NUBPL: variants seen among roughly 807,000 people sequenced by gnomAD.
NUBPL encodes the protein iron-sulfur cluster transfer protein NUBPL.
In NUBPL, 31 loss-of-function variants were observed where a neutral mutation model predicts 45.7. That is an observed-to-expected ratio of 0.68 (90% CI 0.51 to 0.92). The LOEUF is 0.92. NUBPL is among the 40% of genes least tolerant of loss of function. The probability of loss-of-function intolerance (pLI) is 0.00; values close to 1 mark genes in which losing one functional copy is unlikely to be tolerated. For synonymous variants in NUBPL, 144 were observed against 140.9 expected (o/e 1.02, Z -0.15); for missense variants, 401 against 398.7 (o/e 1.01, Z -0.05).
In NUBPL at chr14:31,765,634, G is replaced by GT. The variant is rs55773928; in HGVS notation, c.514-22133dup. 9.5e-3 allele frequency among the ~76,000 whole-genome samples: 1,419 copies of GT among 149,388 alleles called. 23 individuals carry two copies. Among genetic ancestry groups the GT allele is most frequent in the African/African-American group, 0.032 (1,313 of 40,624 alleles). ...AATACTTAATTCATAAAAGCAACAG[G>GT]TTTTTTTTTTTTTGCCTTAAAACAT... On this transcript the variant is annotated intron_variant, in intron 6 of 10. Coordinates refer to ENST00000281081, the MANE Select transcript of NUBPL (RefSeq NM_025152.3).
At chr14:31,704,604 T>A (rs1002993084) in intron 6 of NUBPL, among the ~76,000 whole-genome samples, 1 of 151,838 alleles carries the variant, frequency 6.6e-6, no homozygotes, top group East Asian at 1.9e-4. Flanking sequence ...CGGAGGTTGC[T>A]GTGAGCCAAG....
intron 3 of NUBPL, among the ~76,000 whole-genome samples, chr14:31,568,801 C>T (rs537876029): frequency 1.2e-3 from 188 of 152,078 alleles, no homozygotes; most frequent in East Asian, 3.5e-3. Flanking sequence ...GGTTGTAGGC[C>T]TAGGGGAAAC....
intron 6 of NUBPL, among the ~76,000 whole-genome samples, chr14:31,676,579 T>C (rs1426050244): frequency 6.6e-6 from 1 of 152,002 alleles, no homozygotes; most frequent in Non-Finnish European, 1.5e-5. Flanking sequence ...GTGTTAACAT[T>C]TGGTGTTGTC....
chr14:31,787,798 G>A lies in NUBPL; in HGVS notation c.532G>A (p.Asp178Asn). ...TTTTTAGGTAGATTGGGGTCAACTGGACTACTTAGTTGTAGACATGCCACC... is the reference window on the plus strand; with the variant it reads ...TTTTTAGGTAGATTGGGGTCAACTGAACTACTTAGTTGTAGACATGCCACC... The part of the protein sequence containing the change: ...LLRQVDWGQL[D>N]YLVVDMPPGT... Residue 178 changes from aspartate (D) to asparagine (N), a missense_variant, in exon 7 of 11, where the codon GAC becomes AAC. Asp to Asn is a conservative substitution (Grantham distance 23). Transcript: ENST00000281081. 4 of 1,611,894 alleles carry A rather than the reference G, an allele frequency of 2.5e-6. No homozygotes were observed. Among genetic ancestry groups the A allele is most frequent in the Non-Finnish European group, 3.4e-6 (4 of 1,178,072 alleles).
chr14:31,587,216 G>A (rs2034018337), intron 3 of NUBPL, among the ~76,000 whole-genome samples: 1 of 152,074 alleles, frequency 6.6e-6, no homozygotes, highest in Admixed American at 6.6e-5. Flanking sequence ...TCTAGGGTTG[G>A]GTACTTTTGG....
chr14:31,695,100 TA>T (rs774486855), intron 6 of NUBPL, among the ~76,000 whole-genome samples: 13 of 152,362 alleles, frequency 8.5e-5, no homozygotes, highest in Non-Finnish European at 1.6e-4. Flanking sequence ...GTAATAGTGT[TA>T]CACAGTATAA....
chr14:31,775,000 T>G (rs1416651222), intron 6 of NUBPL, among the ~76,000 whole-genome samples: 4 of 152,198 alleles, frequency 2.6e-5, no homozygotes, highest in African/African-American at 7.2e-5. Flanking sequence ...GATTTTAGGA[T>G]TTATGTCAGT....
chr14:31,802,314 T>C (rs895452795), intron 7 of NUBPL, among the ~76,000 whole-genome samples: 1 of 151,694 alleles, frequency 6.6e-6, no homozygotes, highest in African/African-American at 2.4e-5. Flanking sequence ...TCTTGCTCTG[T>C]CACCAGGCTG....
intron 4 of NUBPL, among the ~76,000 whole-genome samples, chr14:31,637,504 TC>T (rs1195023155): frequency 6.6e-6 from 1 of 152,206 alleles, no homozygotes; most frequent in African/African-American, 2.4e-5. Flanking sequence ...GAGCTTTACT[TC>T]CAAGTATGTG....
intron 6 of NUBPL, among the ~76,000 whole-genome samples, chr14:31,674,488 T>C (rs915150530): frequency 2.0e-5 from 3 of 152,142 alleles, no homozygotes; most frequent in African/African-American, 7.2e-5. Flanking sequence ...TTAAGTCTCT[T>C]GGTTTCATTT....
chr14:31,567,428 C>T (rs746829489), intron 3 of NUBPL, among the ~76,000 whole-genome samples: 1 of 152,112 alleles, frequency 6.6e-6, no homozygotes, highest in South Asian at 2.1e-4. Flanking sequence ...TCTCCAGAAA[C>T]CTGTTAGGTA....
chr14:31,748,856 A>T (rs1385161453), intron 6 of NUBPL, among the ~76,000 whole-genome samples: 1 of 151,858 alleles, frequency 6.6e-6, no homozygotes, highest in Non-Finnish European at 1.5e-5. Context: ...CAGGTGATCT[A>T]CCCACCTGGG....
intron 7 of NUBPL, among the ~76,000 whole-genome samples, chr14:31,791,981 A>G (rs1372314129): frequency 6.6e-6 from 1 of 152,202 alleles, no homozygotes; most frequent in Non-Finnish European, 1.5e-5. Context: ...TAATTCTTAC[A>G]GGTGTTATAT....
chr14:31,655,672 C>G (rs2036124456), intron 4 of NUBPL, among the ~76,000 whole-genome samples: 1 of 152,162 alleles, frequency 6.6e-6, no homozygotes, highest in Non-Finnish European at 1.5e-5. Flanking sequence ...GAGATGGTAC[C>G]ACTGCACTCT....
intron 6 of NUBPL, chr14:31,686,761 C>G (rs1438824408): frequency 6.6e-6 from 1 of 152,180 alleles, no homozygotes; most frequent in Admixed American, 6.5e-5. Context: ...TTCCCTGTAT[C>G]ATTTCAATTT....
intron 3 of NUBPL, among the ~76,000 whole-genome samples, chr14:31,578,224 A>G (rs2033768757): frequency 6.6e-6 from 1 of 152,196 alleles, no homozygotes; most frequent in South Asian, 2.1e-4. Flanking sequence ...ATACAGCAAA[A>G]CCCCAAAAAC....
At chr14:31,613,583 A>G (rs369381482) in intron 4 of NUBPL, among the ~76,000 whole-genome samples, 2 of 151,768 alleles carry the variant, frequency 1.3e-5, no homozygotes, top group African/African-American at 2.4e-5. Flanking sequence ...TCAGCCTCCT[A>G]AGTAGCCGGG....
At chr14:31,630,743 A>G (rs2035319490) in intron 4 of NUBPL, among the ~76,000 whole-genome samples, 1 of 152,082 alleles carries the variant, frequency 6.6e-6, no homozygotes, top group African/African-American at 2.4e-5. Context: ...ATATCTTTCT[A>G]ATGACTCTCT....
chr14:31,816,437 C>G (rs552962187), intron 7 of NUBPL, among the ~76,000 whole-genome samples: 15 of 133,608 alleles, frequency 1.1e-4, no homozygotes, highest in Admixed American at 3.8e-4. Context: ...CTTTATTAGT[C>G]TGGTTAGAGT....
Sources: allele counts gnomAD v4.1 joint callset (sites outside exome capture counted in the v4.1 genomes callset), GRCh38; gene constraint gnomAD v4.1.1; transcripts MANE v1.5; gene names NCBI Gene and HGNC (gene_info 2026-07-23, HGNC 2026-07-21).